FBLN2: variants seen among roughly 807,000 people sequenced by gnomAD.
FBLN2 encodes fibulin-2.
A neutral mutation model predicts 123.7 loss-of-function variants in FBLN2; 81 were observed. That is an observed-to-expected ratio of 0.65 (90% CI 0.55 to 0.79). The LOEUF (loss-of-function observed/expected upper bound fraction) is 0.79. Ranked by LOEUF, FBLN2 falls within the 30% of genes least tolerant of loss-of-function variation. FBLN2 has a pLI of 0.00. For missense variants in FBLN2, 1,603 were observed against 1,681.3 expected (o/e 0.95, Z 0.81); for synonymous variants, 699 against 701.4 (o/e 1.00, Z 0.05).
Position 13,570,460 on chromosome 3 carries a change from C to T in FBLN2, c.105C>T (p.Gly35=), listed in dbSNP as rs1420223944. 1.3e-5 allele frequency: 21 copies of T among 1,572,318 alleles called. No individual in the cohort carries two copies. Among genetic ancestry groups the T allele is most frequent in the East Asian group, 9.4e-5 (4 of 42,736 alleles). The stretch of plus-strand genomic sequence containing the variant: ...CTGCCCCTCGGCAGGACTGCACGGG[C>T]GTGGAGTGCCCGCCGCTGGAGAACT... ...AAAAPRQDCT[G]VECPPLENCI... Residue 35 remains glycine, a synonymous_variant, in exon 2 of 18, where the codon GGC becomes GGT. Coordinates refer to ENST00000404922, the MANE Select transcript of FBLN2 (RefSeq NM_001004019.2).
Position 13,571,109 on chromosome 3 carries a change from C to T in FBLN2, c.754C>T (p.Pro252Ser). The change falls in exon 2 of 18, where the codon CCC (proline) becomes TCC (serine). Residue 252 changes from proline to serine, a missense_variant. Physicochemically the swap from Pro to Ser is moderately conservative, Grantham distance 74. Coordinates refer to ENST00000404922, the MANE Select transcript of FBLN2 (RefSeq NM_001004019.2). ...GGCACCCCCCTGGCCAGCTGTCCTC[C>T]CCAGGCCCACAGCGGCTGCTGCCCT... is the stretch of plus-strand genomic sequence containing the variant. ...IQAPPWPAVL[P>S]RPTAAAALGP... 1.3e-6 allele frequency: 2 copies of T among 1,553,148 alleles called. No individual in the cohort carries two copies. The highest frequency in any genetic ancestry group is 1.7e-4 in the Middle Eastern group (1 of 5,992).
Position 13,637,560 on chromosome 3 carries a change from A to C in FBLN2, c.3339-2A>C. The stretch of plus-strand genomic sequence containing the variant: ...GGGTGACCCGGCCTATCCTCCCTGC[A>C]GGAAGTGCGAGCGCACCACGTGCCA... On this transcript the variant is annotated splice_acceptor_variant, in intron 17 of 17. Coordinates refer to ENST00000404922, the MANE Select transcript of FBLN2 (RefSeq NM_001004019.2). LOFTEE classifies it high-confidence loss of function. 6.3e-7 allele frequency: 1 copy of C among 1,599,024 alleles called. No individual in the cohort carries two copies. The highest frequency in any genetic ancestry group is 8.5e-7 in the Non-Finnish European group (1 of 1,170,328).
intron 2 of FBLN2, among the ~76,000 whole-genome samples, chr3:13,601,095 G>C (rs985157087): frequency 6.6e-6 from 1 of 152,214 alleles, no homozygotes; most frequent in Non-Finnish European, 1.5e-5. Context: ...AATGCTGACA[G>C]TTCTCACTCT....
intron 2 of FBLN2, among the ~76,000 whole-genome samples, chr3:13,595,629 CAG>C (rs1372070180): frequency 3.3e-5 from 5 of 152,178 alleles, no homozygotes; most frequent in African/African-American, 9.7e-5. Flanking sequence ...CCTGTCCAAA[CAG>C]GGGCCTGGCG....
intron 2 of FBLN2, among the ~76,000 whole-genome samples, chr3:13,601,462 T>C (rs117577323): frequency 6.6e-6 from 1 of 152,078 alleles, no homozygotes; most frequent in East Asian, 1.9e-4. Context: ...GAGACTGAAG[T>C]CAGGACTCTG....
intron 7 of FBLN2, 112 bp from the exon 8 acceptor site, chr3:13,619,618 G>A: frequency 1.2e-6 from 1 of 809,832 alleles, no homozygotes; most frequent in Non-Finnish European, 2.0e-6. Context: ...CTGCCTTCTA[G>A]GGGCCTTGTT....
intron 9 of FBLN2, 57 bp from the exon 10 acceptor site, chr3:13,626,388 C>T: frequency 6.9e-7 from 1 of 1,455,090 alleles, no homozygotes; most frequent in Non-Finnish European, 9.2e-7. Context: ...CTGCTGGCTG[C>T]ACTCAGCCAC....
At chr3:13,617,689 A>G (rs1294523353) in intron 5 of FBLN2, among the ~76,000 whole-genome samples, 1 of 74,012 alleles carries the variant, frequency 1.4e-5, no homozygotes, top group Non-Finnish European at 2.4e-5. Context: ...CCATCTAACC[A>G]TCCATCCATC....
chr3:13,612,303 CTTT>C, intron 4 of FBLN2, among the ~76,000 whole-genome samples: 1 of 64,384 alleles, frequency 1.6e-5, no homozygotes, highest in East Asian at 5.5e-4. Context: ...TCCTTTCTTT[CTTT>C]CTTTCTTTCT....
Position 13,570,871 on chromosome 3 carries a change from C to T in FBLN2, c.516C>T (p.Tyr172=), listed in dbSNP as rs1360203319. 1.9e-6 allele frequency: 3 copies of T among 1,611,098 alleles called. No homozygotes were observed. The highest frequency in any genetic ancestry group is 2.5e-6 in the Non-Finnish European group (3 of 1,179,076). The change falls in exon 2 of 18, where the codon TAC becomes TAT. Residue 172 remains tyrosine, a synonymous_variant. Coordinates refer to ENST00000404922, the MANE Select transcript of FBLN2 (RefSeq NM_001004019.2). ...CPDAGGELIC[Y]QLPGCHGNFS... is the part of the protein sequence containing the mutation. ...ACGCCGGTGGAGAGCTCATCTGCTA[C>T]CAGCTCCCCGGTTGCCACGGGAACT...
intron 2 of FBLN2, among the ~76,000 whole-genome samples, chr3:13,582,337 G>A (rs1704358862): frequency 6.6e-6 from 1 of 152,208 alleles, no homozygotes; most frequent in Non-Finnish European, 1.5e-5. Context: ...CAGTGAGCTG[G>A]AGTTCAGGAT....
Position 13,629,851 on chromosome 3 carries a change from C to T in FBLN2, c.2874C>T (p.Arg958=), listed in dbSNP as rs759289354. 2.1e-5 allele frequency: 33 copies of T among 1,587,952 alleles called. No homozygotes were observed. The highest frequency in any genetic ancestry group is 2.6e-5 in the Non-Finnish European group (30 of 1,168,018). ...DVNECWASPG[R]LCQHTCENTL... is the part of the protein sequence containing the mutation. ...ATGAGTGCTGGGCCTCGCCAGGCCG[C>T]CTGTGCCAGCACACGTGTGAGAACA... The change falls in exon 14 of 18, where the codon CGC becomes CGT. Residue 958 remains arginine, a synonymous_variant. Transcript: ENST00000404922.
At chr3:13,610,362 G>A (rs942605537) in intron 4 of FBLN2, among the ~76,000 whole-genome samples, 1 of 152,196 alleles carries the variant, frequency 6.6e-6, no homozygotes, top group African/African-American at 2.4e-5. Context: ...TCTGGCAGTT[G>A]TGGGGACCGG....
chr3:13,562,946 C>T (rs1345807004), intron 1 of FBLN2, among the ~76,000 whole-genome samples: 12 of 152,196 alleles, frequency 7.9e-5, no homozygotes, highest in Admixed American at 7.9e-4. Context: ...ATCTGTGTTG[C>T]AGCACGGGTC....
intron 2 of FBLN2, among the ~76,000 whole-genome samples, chr3:13,598,615 C>G (rs1704924610): frequency 6.6e-6 from 1 of 152,222 alleles, no homozygotes; most frequent in Admixed American, 6.5e-5. Context: ...CCACCGACCT[C>G]TTGTTGTTGA....
chr3:13,621,912 G>A lies in FBLN2; in HGVS notation c.2293G>A (p.Val765Met), dbSNP rs761145395. ...TATCCTCAATGCGCACAGGAAGTGC[G>A]TGGGTAAGCCAGGGCCCCGCCTGCC... ...GYILNAHRKC[V>M]DINECVTDLH... Residue 765 changes from valine to methionine, a missense_variant, in exon 9 of 18, where the codon GTG (valine) becomes ATG (methionine). Val to Met is a conservative substitution (Grantham distance 21, BLOSUM62 1). Coordinates refer to ENST00000404922, the MANE Select transcript of FBLN2 (RefSeq NM_001004019.2). 7 of 1,612,088 alleles carry A rather than the reference G, an allele frequency of 4.3e-6. No homozygotes were observed. The highest frequency in any genetic ancestry group is 1.3e-5 in the African/African-American group (1 of 74,922).
intron 1 of FBLN2, among the ~76,000 whole-genome samples, chr3:13,549,831 C>T (rs962660520): frequency 6.6e-6 from 1 of 152,118 alleles, no homozygotes. Context: ...GCCAGAATCT[C>T]TCACACTCAT....
chr3:13,618,026 A>G, intron 5 of FBLN2, 50 bp from the exon 6 acceptor site: 1 of 1,576,416 alleles, frequency 6.3e-7, no homozygotes, highest in Non-Finnish European at 8.7e-7. Flanking sequence ...TGTCTCAGCC[A>G]CCTACTCTGA....
In FBLN2 at chr3:13,595,543, CAGG is replaced by C. The variant is rs888856555; in HGVS notation, c.1307-12516_1307-12514del. Among the ~76,000 whole-genome samples the C allele has an allele frequency of 7.9e-5, 12 of 152,188 alleles. No individual in the cohort carries two copies. In the East Asian group the frequency reaches 9.6e-4, roughly 12 times the overall value. On this transcript the variant is annotated intron_variant, in intron 2 of 17. Coordinates refer to ENST00000404922, the MANE Select transcript of FBLN2 (RefSeq NM_001004019.2). ...CTCCCACCCTGTCCCTCCACACCCC[CAGG>C]AGAACACCAAGGCTGGCGGGAACAT...
Sources: gnomAD v4.1 joint callset for allele counts (sites outside exome capture counted in the v4.1 genomes callset) on GRCh38, gnomAD v4.1.1 for gene constraint, MANE v1.5 for transcripts, NCBI Gene and HGNC (gene_info 2026-07-23, HGNC 2026-07-21) for gene names.